The following EPHA6 variants were observed in gnomAD, a reference collection of about 807,000 sequenced individuals.
EPHA6 encodes EPH receptor A6.
A neutral mutation model predicts 112.0 loss-of-function variants in EPHA6; 50 were observed. The observed-to-expected ratio is 0.45, with a 90% CI of 0.36 to 0.56. The LOEUF is 0.56. EPHA6 is among the 20% of genes least tolerant of loss of function. EPHA6 has a pLI of 0.00. For synonymous variants in EPHA6, 529 were observed against 490.7 expected (o/e 1.08, Z -1.03); for missense variants, 1,280 against 1,417.4 (o/e 0.90, Z 1.56).
intron 5 of EPHA6, among the ~76,000 whole-genome samples, chr3:97,328,080 A>ATATAG (rs2082572857): frequency 1.3e-4 from 9 of 71,426 alleles, no homozygotes; most frequent in African/African-American, 7.5e-4. Context: ...TATATATATA[A>ATATAG]CCTGTTTTGT....
At chr3:97,276,389 G>C (rs189579545) in intron 5 of EPHA6, among the ~76,000 whole-genome samples, 1 of 152,054 alleles carries the variant, frequency 6.6e-6, no homozygotes, top group Non-Finnish European at 1.5e-5. Flanking sequence ...GGCTTAGGAG[G>C]AATCCGGGGC....
chr3:96,976,467 G>A (rs187547995), intron 2 of EPHA6, among the ~76,000 whole-genome samples: 1 of 152,230 alleles, frequency 6.6e-6, no homozygotes, highest in Admixed American at 6.6e-5. Context: ...CACATGATGT[G>A]TAGAGGTGAC....
intron 11 of EPHA6, among the ~76,000 whole-genome samples, chr3:97,585,358 C>A (rs1046401581): frequency 2.0e-5 from 3 of 152,160 alleles, no homozygotes; most frequent in Non-Finnish European, 2.9e-5. Context: ...TATTTTAATT[C>A]TCCTTGCTAG....
intron 10 of EPHA6, among the ~76,000 whole-genome samples, chr3:97,521,040 T>G (rs1467087229): frequency 6.6e-6 from 1 of 152,050 alleles, no homozygotes; most frequent in Admixed American, 6.5e-5. Flanking sequence ...ATTCCAGGAT[T>G]TCTGCTTGGT....
intron 10 of EPHA6, among the ~76,000 whole-genome samples, chr3:97,485,280 C>A (rs1191886734): frequency 3.3e-5 from 5 of 152,122 alleles, no homozygotes; most frequent in Admixed American, 3.3e-4. Context: ...GCCCAGTATA[C>A]CCTGAAATAT....
chr3:97,658,752 T>C (rs1396072801), intron 14 of EPHA6, among the ~76,000 whole-genome samples: 1 of 151,870 alleles, frequency 6.6e-6, no homozygotes, highest in Non-Finnish European at 1.5e-5. Flanking sequence ...CAGATCACTT[T>C]ATTAAAACTG....
intron 15 of EPHA6, among the ~76,000 whole-genome samples, chr3:97,729,535 A>G (rs1007792325): frequency 1.3e-5 from 2 of 151,860 alleles, no homozygotes; most frequent in African/African-American, 4.8e-5. Context: ...GGAAAGACAC[A>G]CCCCCATGAT....
At chr3:97,634,416 A>G (rs923218444) in intron 13 of EPHA6, among the ~76,000 whole-genome samples, 7 of 151,920 alleles carry the variant, frequency 4.6e-5, no homozygotes, top group African/African-American at 1.7e-4. Flanking sequence ...CAGTAGATAG[A>G]CCAATTGGAT....
chr3:97,632,570 A>C (rs1226542012), intron 13 of EPHA6, among the ~76,000 whole-genome samples: 1 of 151,972 alleles, frequency 6.6e-6, no homozygotes, highest in Non-Finnish European at 1.5e-5. Flanking sequence ...TGTTGTTAGA[A>C]GGAATAAACT....
At position 96,824,138 on chromosome 3, in the gene EPHA6, A is replaced by G. The variant is rs1034755223; in HGVS notation, c.385+9130A>G. Among the ~76,000 whole-genome samples the G allele has an allele frequency of 2.7e-5, 4 of 150,590 alleles. No homozygotes were observed. The East Asian group carries it at 7.7e-4, about 29-fold the overall frequency. ...AAAAATTACACATATAAGAACCTGT[A>G]TAATATTGACTACTTTACGACCAGC... On this transcript the variant is annotated intron_variant, in intron 1 of 17. Transcript: ENST00000389672.
chr3:97,453,130 G>A (rs192969273), intron 7 of EPHA6, among the ~76,000 whole-genome samples: 16 of 151,678 alleles, frequency 1.1e-4, no homozygotes, highest in Admixed American at 3.9e-4. Context: ...AAGTAATTTT[G>A]CATGTGCAGT....
chr3:97,731,734 A>C (rs1437378370), intron 15 of EPHA6, among the ~76,000 whole-genome samples: 2 of 152,078 alleles, frequency 1.3e-5, no homozygotes, highest in Non-Finnish European at 2.9e-5. Flanking sequence ...TCAGAACTTG[A>C]CACATAATAA....
intron 3 of EPHA6, among the ~76,000 whole-genome samples, chr3:97,134,862 T>A (rs767213828): frequency 1.3e-5 from 2 of 151,954 alleles, no homozygotes; most frequent in Non-Finnish European, 2.9e-5. Context: ...TGTGAAGAAG[T>A]TTGTCTAGGT....
chr3:97,023,162 T>C (rs1351115462), intron 3 of EPHA6, among the ~76,000 whole-genome samples: 1 of 152,148 alleles, frequency 6.6e-6, no homozygotes, highest in African/African-American at 2.4e-5. Context: ...CACTGAAAGC[T>C]CCACCTCCTG....
chr3:97,265,603 G>A (rs1476179605), intron 5 of EPHA6, among the ~76,000 whole-genome samples: 3 of 152,298 alleles, frequency 2.0e-5, no homozygotes, highest in African/African-American at 7.2e-5. Context: ...GGCAGGGGGG[G>A]CCTTCCCAAG....
intron 1 of EPHA6, among the ~76,000 whole-genome samples, chr3:96,844,534 A>T (rs1224495926): frequency 1.3e-5 from 2 of 151,942 alleles, no homozygotes; most frequent in Admixed American, 6.6e-5. Context: ...TCTTATAGAG[A>T]TGTTAAATAT....
intron 2 of EPHA6, among the ~76,000 whole-genome samples, chr3:96,969,390 A>G (rs1448212591): frequency 1.3e-5 from 2 of 151,952 alleles, no homozygotes; most frequent in Non-Finnish European, 2.9e-5. Context: ...GATCGTGGAT[A>G]TAATTTCTCA....
At chr3:97,548,249 AT>A (rs546186069) in intron 11 of EPHA6, among the ~76,000 whole-genome samples, 43 of 152,230 alleles carry the variant, frequency 2.8e-4, no homozygotes, top group African/African-American at 1.0e-3. Flanking sequence ...GATTATGGTT[AT>A]GCATTTTTGG....
chr3:97,453,035 AAAGAT>A (rs2090577446), intron 7 of EPHA6, among the ~76,000 whole-genome samples: 1 of 151,808 alleles, frequency 6.6e-6, no homozygotes, highest in South Asian at 2.1e-4. Flanking sequence ...GTAATAAAAT[AAAGAT>A]AAGGAAATAA....
Sources: gnomAD v4.1 joint callset for allele counts (sites outside exome capture counted in the v4.1 genomes callset) on GRCh38, gnomAD v4.1.1 for gene constraint, MANE v1.5 for transcripts, NCBI Gene and HGNC (gene_info 2026-07-23, HGNC 2026-07-21) for gene names.